CFAP47: variants seen among roughly 807,000 people sequenced by gnomAD.
CFAP47 encodes the protein cilia- and flagella-associated protein 47.
In CFAP47, 29 loss-of-function variants were observed where a neutral mutation model predicts 148.1. The ratio of observed to expected loss-of-function variants is 0.20; its 90% CI spans 0.15 to 0.27. The LOEUF (loss-of-function observed/expected upper bound fraction) is 0.27, where lower values mean the gene tolerates loss of function less well. CFAP47 is among the 10% of genes least tolerant of loss of function. CFAP47 has a pLI of 1.00. For missense variants in CFAP47, 1,872 were observed against 1,697.5 expected (o/e 1.10, Z -1.81); for synonymous variants, 664 against 577.3 (o/e 1.15, Z -2.15).
chrX:36,359,263 C>A (rs782427434), intron 60 of CFAP47, among the ~76,000 whole-genome samples: 1 of 111,573 alleles, frequency 9.0e-6, no homozygotes, highest in Non-Finnish European at 1.9e-5. Context: ...TCTTCATCAG[C>A]AGTTCATGAA....
chrX:36,378,697 G>A (rs112501217), intron 62 of CFAP47, among the ~76,000 whole-genome samples: 3,660 of 110,542 alleles, frequency 0.033, 153 homozygotes, highest in African/African-American at 0.11. Context: ...GAGCCACCAT[G>A]CCCGGCTAAT....
At chrX:36,069,022 C>A (rs1436575324) in intron 27 of CFAP47, among the ~76,000 whole-genome samples, 1 of 108,927 alleles carries the variant, frequency 9.2e-6, no homozygotes, top group Non-Finnish European at 1.9e-5. Flanking sequence ...ATATTCCACT[C>A]TACTTCCAGG....
chrX:36,196,288 T>G (rs962970672), intron 42 of CFAP47, among the ~76,000 whole-genome samples: 7 of 111,963 alleles, frequency 6.3e-5, no homozygotes, highest in Non-Finnish European at 3.8e-5. Flanking sequence ...CTTTAGCATA[T>G]GGAATTTAAC....
chrX:36,060,199 CGT>C (rs1189122631), intron 26 of CFAP47, among the ~76,000 whole-genome samples: 5 of 110,903 alleles, frequency 4.5e-5, no homozygotes, highest in East Asian at 2.8e-4. Flanking sequence ...TTTCTGTGCA[CGT>C]GTGTGTGTGT....
intron 1 of CFAP47, among the ~76,000 whole-genome samples, chrX:35,923,967 GTGTA>G (rs1302086319): frequency 5.1e-5 from 5 of 98,629 alleles, no homozygotes; most frequent in Non-Finnish European, 8.0e-5. Flanking sequence ...GTACATATAT[GTGTA>G]TGTATGTGTA....
At chrX:36,036,334 A>G (rs1385407496) in intron 24 of CFAP47, among the ~76,000 whole-genome samples, 2 of 108,039 alleles carry the variant, frequency 1.9e-5, no homozygotes, top group East Asian at 5.8e-4. Flanking sequence ...TATTTTACTT[A>G]CAATAATGTC....
chrX:36,241,307 A>C (rs1351698661), intron 48 of CFAP47, among the ~76,000 whole-genome samples: 2 of 111,854 alleles, frequency 1.8e-5, no homozygotes, highest in Non-Finnish European at 3.8e-5. Context: ...GCTCTGTTGG[A>C]GTGCAGCCGT....
chrX:35,951,986 G>A, intron 6 of CFAP47, 23 bp downstream of exon 6: 1 of 1,138,578 alleles, frequency 8.8e-7, no homozygotes. Context: ...TAATTTCATT[G>A]TAATGTTAAA....
chrX:36,060,671 A>G (rs1937586354), intron 26 of CFAP47, among the ~76,000 whole-genome samples: 1 of 112,020 alleles, frequency 8.9e-6, no homozygotes, highest in African/African-American at 3.2e-5. Flanking sequence ...AGACATTCAT[A>G]TGTGAAACAT....
At chrX:35,953,090 C>A (rs1936191338) in intron 6 of CFAP47, among the ~76,000 whole-genome samples, 1 of 112,216 alleles carries the variant, frequency 8.9e-6, no homozygotes, top group Middle Eastern at 4.6e-3. Flanking sequence ...CTTTCCTTTT[C>A]TCCTCAAACA....
intron 45 of CFAP47, among the ~76,000 whole-genome samples, chrX:36,227,894 G>C (rs957624404): frequency 1.8e-5 from 2 of 111,810 alleles, no homozygotes; most frequent in Non-Finnish European, 3.8e-5. Context: ...AGGAAATGGT[G>C]ACCTTCAGAG....
In CFAP47 at chrX:36,280,616, A is replaced by G. The variant is rs1556003457; in HGVS notation, c.7574A>G (p.Asp2525Gly). Residue 2525 changes from aspartate to glycine, a missense_variant, in exon 50 of 64, where the codon GAT (aspartate) becomes GGT (glycine). Transcript: ENST00000378653. ...DSITEQSSIL[D>G]DADTYGNFNN... is the part of the protein sequence containing the mutation. ...ATAACAGAACAATCTAGCATTTTGGATGATGCAGACACATGTAAGTTTATT... is the reference window on the plus strand; with the variant it reads ...ATAACAGAACAATCTAGCATTTTGGGTGATGCAGACACATGTAAGTTTATT... 3 of 495,690 alleles carry G rather than the reference A, an allele frequency of 6.1e-6. No homozygotes were observed. Among genetic ancestry groups the G allele is most frequent in the Non-Finnish European group, 1.1e-5 (3 of 278,031 alleles). The allele number at this position is 495,690 out of a possible 1,213,427, so 40.9% of individuals were successfully genotyped here.
At chrX:36,271,272 G>C (rs782456087) in intron 49 of CFAP47, among the ~76,000 whole-genome samples, 1 of 111,646 alleles carries the variant, frequency 9.0e-6, no homozygotes, top group Non-Finnish European at 1.9e-5. Flanking sequence ...AAAACTTCTT[G>C]ACTGAACTAA....
At chrX:36,155,104 T>C (rs112078961) in intron 37 of CFAP47, among the ~76,000 whole-genome samples, 4,867 of 110,939 alleles carry the variant, frequency 0.044, 278 homozygotes, top group African/African-American at 0.15. Context: ...AATTTATATA[T>C]ATATAAATTG....
intron 39 of CFAP47, among the ~76,000 whole-genome samples, chrX:36,177,332 T>A (rs1243391234): frequency 8.0e-5 from 9 of 112,332 alleles, no homozygotes; most frequent in African/African-American, 1.9e-4. Flanking sequence ...TCAAATTTTA[T>A]GATCCTTGTG....
At chrX:35,975,464 T>A (rs765984597) in intron 14 of CFAP47, 101 bp downstream of exon 14, 14 of 638,296 alleles carry the variant, frequency 2.2e-5, no homozygotes, top group Middle Eastern at 4.7e-4. Flanking sequence ...TTATATTTGT[T>A]CTCCAAACAT....
chrX:36,036,436 A>C (rs181192751), intron 24 of CFAP47, among the ~76,000 whole-genome samples: 1 of 110,610 alleles, frequency 9.0e-6, no homozygotes, highest in African/African-American at 3.3e-5. Flanking sequence ...ATACATCACA[A>C]TTTCTTTATC....
chrX:36,253,583 G>A (rs1179760922), intron 49 of CFAP47, among the ~76,000 whole-genome samples: 1 of 111,333 alleles, frequency 9.0e-6, no homozygotes, highest in African/African-American at 3.3e-5. Context: ...CGTGTGTTAT[G>A]TATCAGATAC....
At position 36,364,643 on chromosome X, in the gene CFAP47, G is replaced by C. The variant is rs781957694; in HGVS notation, c.9024-2323G>C. ...GAAGTCGTAAGACAGGAAGTGTTTA[G>C]CACAAACAATGAATAGTAAGAAAGC... On this transcript the variant is annotated intron_variant, in intron 61 of 63. Transcript: ENST00000378653. 2.8e-5 allele frequency among the ~76,000 whole-genome samples: 3 copies of C among 108,499 alleles called. No individual in the cohort carries two copies. The South Asian group carries it at 1.1e-3, about 41-fold the overall frequency. 94.2% of individuals were successfully genotyped at this position (108,499 alleles called of 115,157 possible).
Sources: gnomAD v4.1 joint callset for allele counts (sites outside exome capture counted in the v4.1 genomes callset) on GRCh38, gnomAD v4.1.1 for gene constraint, MANE v1.5 for transcripts, NCBI Gene and HGNC (gene_info 2026-07-23, HGNC 2026-07-21) for gene names.